The following ADAMTS9 variants were observed in gnomAD, a reference collection of about 807,000 sequenced individuals.
ADAMTS9 encodes ADAM metallopeptidase with thrombospondin type 1 motif 9.
In ADAMTS9, 107 loss-of-function variants were observed where a neutral mutation model predicts 257.1. The ratio of observed to expected loss-of-function variants is 0.42; its 90% CI spans 0.36 to 0.49. The LOEUF (loss-of-function observed/expected upper bound fraction) is 0.49. Ranked by LOEUF, ADAMTS9 falls within the 20% of genes least tolerant of loss-of-function variation. The pLI, the probability that ADAMTS9 is intolerant of heterozygous loss-of-function variation, is 0.03. For missense variants in ADAMTS9, 2,353 were observed against 2,469.1 expected (o/e 0.95, Z 1.00); for synonymous variants, 982 against 880.9 (o/e 1.11, Z -2.03).
At chr3:64,571,948 A>G (rs573841923) in intron 28 of ADAMTS9, among the ~76,000 whole-genome samples, 1 of 152,282 alleles carries the variant, frequency 6.6e-6, no homozygotes, top group South Asian at 2.1e-4. Context: ...TGTCACTGAG[A>G]CATAATCGTC....
intron 38 of ADAMTS9, among the ~76,000 whole-genome samples, chr3:64,532,868 C>T (rs2083000398): frequency 6.6e-6 from 1 of 152,200 alleles, no homozygotes. Flanking sequence ...ACACTCTCGA[C>T]AGAGGCTTCT....
Position 64,649,733 on chromosome 3 carries a change from G to C in ADAMTS9, c.1509C>G (p.Pro503=). ...ECLLNEPESR[P]YPLPVQLPGI... The stretch of plus-strand genomic sequence containing the variant: ...CTGGCAGTTGGACAGGCAAAGGGTA[G>C]GGTCTGGATTCAGGTTCGTTAAGCA... The change falls in exon 10 of 40, where the codon CCC becomes CCG. Residue 503 remains proline, a synonymous_variant. Coordinates refer to ENST00000498707, the MANE Select transcript of ADAMTS9 (RefSeq NM_182920.2). 2 of 1,614,060 alleles carry C rather than the reference G, an allele frequency of 1.2e-6. No homozygotes were observed. The highest frequency in any genetic ancestry group is 1.7e-6 in the Non-Finnish European group (2 of 1,179,992).
At chr3:64,528,482 C>A (rs1197082471) in intron 38 of ADAMTS9, among the ~76,000 whole-genome samples, 2 of 152,144 alleles carry the variant, frequency 1.3e-5, no homozygotes, top group Non-Finnish European at 2.9e-5. Flanking sequence ...ACTTTACGAC[C>A]CCTAGCTGAG....
intron 28 of ADAMTS9, among the ~76,000 whole-genome samples, chr3:64,575,163 G>A (rs929334401): frequency 2.0e-5 from 3 of 152,146 alleles, no homozygotes; most frequent in Non-Finnish European, 4.4e-5. Flanking sequence ...TCTTTACACG[G>A]TCAAGAAGGG....
intron 38 of ADAMTS9, among the ~76,000 whole-genome samples, chr3:64,526,405 G>A (rs566320322): frequency 1.1e-4 from 17 of 152,140 alleles, no homozygotes; most frequent in South Asian, 6.2e-4. Flanking sequence ...TTAAAAATTC[G>A]TAGGCATTTG....
At chr3:64,568,740 C>T in intron 28 of ADAMTS9, 1 of 543,062 alleles carries the variant, frequency 1.8e-6, no homozygotes. Context: ...ATTACAGCAG[C>T]AATCCTGTGT....
chr3:64,595,806 T>C (rs2084355218), intron 27 of ADAMTS9, among the ~76,000 whole-genome samples: 1 of 152,068 alleles, frequency 6.6e-6, no homozygotes, highest in Non-Finnish European at 1.5e-5. Flanking sequence ...TTTCCCCCCC[T>C]TGGCACTGGG....
At chr3:64,612,730 G>A (rs534516591) in intron 22 of ADAMTS9, among the ~76,000 whole-genome samples, 21 of 152,268 alleles carry the variant, frequency 1.4e-4, no homozygotes, top group South Asian at 4.2e-4. Context: ...ACTTAATTCC[G>A]AGAGTAGTGG....
intron 32 of ADAMTS9, among the ~76,000 whole-genome samples, chr3:64,542,995 C>A (rs1210620984): frequency 6.6e-6 from 1 of 152,136 alleles, no homozygotes; most frequent in African/African-American, 2.4e-5. Flanking sequence ...CACCTCTATG[C>A]AAATAAACTA....
chr3:64,631,678 C>T (rs1334402243), intron 15 of ADAMTS9, 128 bp from the exon 16 acceptor site: 9 of 1,169,012 alleles, frequency 7.7e-6, no homozygotes, highest in East Asian at 7.1e-5. Context: ...GCCTTCTAGT[C>T]GATGGATAAT....
At chr3:64,549,449 T>A (rs1003411372) in intron 31 of ADAMTS9, among the ~76,000 whole-genome samples, 2 of 152,174 alleles carry the variant, frequency 1.3e-5, no homozygotes, top group East Asian at 3.9e-4. Flanking sequence ...TTGGAACCTA[T>A]GCCTCAAACC....
At chr3:64,545,760 T>TA (rs1019212837) in intron 32 of ADAMTS9, among the ~76,000 whole-genome samples, 54 of 152,142 alleles carry the variant, frequency 3.5e-4, no homozygotes, top group Non-Finnish European at 7.1e-4. Flanking sequence ...AGTATAATAA[T>TA]AAAAAAATTA....
chr3:64,536,946 A>G (rs1216902089), intron 37 of ADAMTS9, among the ~76,000 whole-genome samples: 1 of 152,220 alleles, frequency 6.6e-6, no homozygotes, highest in Non-Finnish European at 1.5e-5. Flanking sequence ...CAAACACAAC[A>G]TCATTCTGCT....
At chr3:64,517,676 T>G (rs1224512419) in intron 39 of ADAMTS9, among the ~76,000 whole-genome samples, 1 of 151,982 alleles carries the variant, frequency 6.6e-6, no homozygotes, top group Non-Finnish European at 1.5e-5. Context: ...ATAACTGCTC[T>G]TCATATATTG....
Position 64,687,430 on chromosome 3 carries a change from A to G in ADAMTS9, c.115+113T>C, listed in dbSNP as rs554972675. ...GGGAGAGGCTGCAAAGCGGGAGATA[A>G]TTCTTTCTAGGAAAAGGAGAGAAGC... is the stretch of plus-strand genomic sequence containing the variant. On this transcript the variant is annotated intron_variant, in intron 1 of 39. Transcript: ENST00000498707. This position sits in a 1 kb window ranked among gnomAD's most constrained non-coding sequence, Gnocchi z 4.4. 5 of 887,450 alleles carry G rather than the reference A, an allele frequency of 5.6e-6. No homozygotes were observed. The South Asian group carries it at 9.5e-5, about 17-fold the overall frequency. The allele number at this position is 887,450 out of a possible 1,614,324, so 55.0% of individuals were successfully genotyped here.
chr3:64,650,952 C>A, intron 9 of ADAMTS9, 65 bp downstream of exon 9: 1 of 1,473,490 alleles, frequency 6.8e-7, no homozygotes, highest in East Asian at 2.6e-5. Context: ...GTCTTTCCCA[C>A]AATTAGTTCA....
Position 64,539,249 on chromosome 3 carries a change from G to A in ADAMTS9, c.5567C>T (p.Pro1856Leu). Residue 1856 changes from proline (P) to leucine (L), a missense_variant, in exon 37 of 40, where the codon CCT (proline) becomes CTT (leucine). By Grantham distance (98) the Pro-to-Leu change is moderately conservative. Around this residue, in one of 3 missense-constraint regions of ADAMTS9, gnomAD observed 1,402 missense variants for 1,441.4 expected, o/e 0.97. Transcript: ENST00000498707. Reference protein sequence around the residue: ...FARTSEGHPVPFATAGDCYSA... With the variant: ...FARTSEGHPVLFATAGDCYSA... The stretch of plus-strand genomic sequence containing the variant: ...GTAGCAATCCCCGGCTGTGGCAAAA[G>A]GGACGGGATGTCCTTCGCTTGTCCT... The A allele has an allele frequency of 6.2e-7, 1 of 1,614,100 alleles. No homozygotes were observed. The highest frequency in any genetic ancestry group is 1.3e-5 in the African/African-American group (1 of 75,052).
chr3:64,579,351 C>T (rs114503503), intron 28 of ADAMTS9, among the ~76,000 whole-genome samples: 2,506 of 152,268 alleles, frequency 0.016, 70 homozygotes, highest in African/African-American at 0.055. Context: ...GGAGACTTCC[C>T]TAAACCTCCT....
At chr3:64,604,159 T>C (rs2084516036) in intron 24 of ADAMTS9, 68 bp downstream of exon 24, 1 of 1,600,360 alleles carries the variant, frequency 6.2e-7, no homozygotes, top group Non-Finnish European at 8.5e-7. Flanking sequence ...TAGCCCACTT[T>C]CTATAGCCAT....
Sources: gnomAD v4.1 joint callset for allele counts (sites outside exome capture counted in the v4.1 genomes callset) on GRCh38, gnomAD v4.1.1 for gene constraint, gnomAD v4.1.1 regional missense constraint, Gnocchi (gnomAD v3.1) non-coding constraint, MANE v1.5 for transcripts, NCBI Gene and HGNC (gene_info 2026-07-23, HGNC 2026-07-21) for gene names.